Variants in HS3ST5 observed in about 807,000 individuals in gnomAD.
HS3ST5 encodes heparan sulfate-glucosamine 3-sulfotransferase 5.
In HS3ST5, 10 loss-of-function variants were observed where a neutral mutation model predicts 25.4. The observed-to-expected ratio is 0.39, with a 90% CI of 0.24 to 0.67. The LOEUF (loss-of-function observed/expected upper bound fraction) is 0.67. Ranked by LOEUF, HS3ST5 falls within the 30% of genes least tolerant of loss-of-function variation. The pLI is 0.44. For missense variants in HS3ST5, 324 were observed against 420.7 expected, an observed-to-expected ratio of 0.77 and a Z score of 2.01; for synonymous variants, 170 against 162.4, an observed-to-expected ratio of 1.05 and a Z score of -0.36.
At chr6:114,216,720 G>A (rs1478554574) in intron 2 of HS3ST5, among the ~76,000 whole-genome samples, 2 of 102,530 alleles carry the variant, frequency 2.0e-5, no homozygotes, top group Non-Finnish European at 3.9e-5. Context: ...GAACAGAATC[G>A]TCCTCCTTAA....
intron 2 of HS3ST5, among the ~76,000 whole-genome samples, chr6:114,170,059 G>A (rs1298793130): frequency 2.0e-5 from 3 of 152,120 alleles, no homozygotes; most frequent in Non-Finnish European, 2.9e-5. Flanking sequence ...TTTCAATGGA[G>A]AAGGTTAAAG....
At chr6:114,296,699 G>A (rs1378829351) in intron 1 of HS3ST5, among the ~76,000 whole-genome samples, 1 of 152,152 alleles carries the variant, frequency 6.6e-6, no homozygotes, top group Non-Finnish European at 1.5e-5. Context: ...ACAGCCAACA[G>A]CAGGAATTTG....
intron 3 of HS3ST5, among the ~76,000 whole-genome samples, chr6:114,121,484 GA>G (rs1449782534): frequency 1.1e-4 from 17 of 151,980 alleles, no homozygotes; most frequent in South Asian, 6.2e-4. Flanking sequence ...GCAAAAAAAG[GA>G]AAAATGTATA....
At chr6:114,203,838 C>G (rs1781141140) in intron 2 of HS3ST5, among the ~76,000 whole-genome samples, 1 of 152,096 alleles carries the variant, frequency 6.6e-6, no homozygotes, top group African/African-American at 2.4e-5. Flanking sequence ...GCTGGCTTAG[C>G]AATAATTAAA....
intron 2 of HS3ST5, among the ~76,000 whole-genome samples, chr6:114,184,054 C>CTTTTTTTTTTTTTTTTT (rs34370810): frequency 6.3e-5 from 5 of 78,742 alleles, no homozygotes; most frequent in Non-Finnish European, 1.1e-4. Flanking sequence ...TTTTTCCTTT[C>CTTTTTTTTTTTTTTTTT]TTTTTTTTTT....
chr6:114,321,516 G>A lies in HS3ST5; in HGVS notation c.-339+20679C>T, dbSNP rs564302392. 5.7e-4 allele frequency among the ~76,000 whole-genome samples: 87 copies of A among 152,144 alleles called. 1 individual carries two copies. Among genetic ancestry groups the A allele is most frequent in the African/African-American group, 2.0e-3 (83 of 41,520 alleles). ...TTCCACATTCTCTGTAAGACTGTAA[G>A]CTGAAGAAGCTGGGGACTCCAATCC... On this transcript the variant is annotated intron_variant, in intron 1 of 4. Coordinates refer to ENST00000312719, the MANE Select transcript of HS3ST5 (RefSeq NM_153612.4).
chr6:114,201,647 A>G (rs117485651), intron 2 of HS3ST5, among the ~76,000 whole-genome samples: 1,694 of 152,196 alleles, frequency 0.011, 10 homozygotes, highest in Non-Finnish European at 0.018. Context: ...CAGCTTCTCA[A>G]TGAGGCTGTA....
chr6:114,178,308 C>A (rs1779814049), intron 2 of HS3ST5, among the ~76,000 whole-genome samples: 1 of 152,080 alleles, frequency 6.6e-6, no homozygotes, highest in South Asian at 2.1e-4. Flanking sequence ...TATTCACAAC[C>A]AAATCCATTT....
intron 1 of HS3ST5, among the ~76,000 whole-genome samples, chr6:114,264,332 C>T (rs1264878590): frequency 3.3e-5 from 5 of 152,226 alleles, no homozygotes; most frequent in East Asian, 1.9e-4. Flanking sequence ...TTCTGAAAGT[C>T]GTAACATTGT....
chr6:114,137,564 C>G (rs1777688513), intron 3 of HS3ST5, among the ~76,000 whole-genome samples: 1 of 152,082 alleles, frequency 6.6e-6, no homozygotes, highest in South Asian at 2.1e-4. Flanking sequence ...AATAAGAGGA[C>G]CTTTTTCAGG....
intron 2 of HS3ST5, among the ~76,000 whole-genome samples, chr6:114,225,731 T>G (rs1218084904): frequency 1.3e-5 from 2 of 151,970 alleles, no homozygotes; most frequent in Non-Finnish European, 2.9e-5. Context: ...GAATAACACA[T>G]GCAGGATAGC....
At chr6:114,157,873 C>T (rs1778773195) in intron 3 of HS3ST5, among the ~76,000 whole-genome samples, 1 of 152,140 alleles carries the variant, frequency 6.6e-6, no homozygotes, top group South Asian at 2.1e-4. Flanking sequence ...CCTCACCTCC[C>T]ATACTTAGGC....
chr6:114,214,691 G>A (rs546674101), intron 2 of HS3ST5, among the ~76,000 whole-genome samples: 1 of 152,290 alleles, frequency 6.6e-6, no homozygotes, highest in African/African-American at 2.4e-5. Context: ...AAGGTAGAGA[G>A]CAAGACTGAG....
intron 1 of HS3ST5, among the ~76,000 whole-genome samples, chr6:114,306,251 A>G (rs1215974991): frequency 8.9e-6 from 1 of 112,288 alleles, no homozygotes; most frequent in Non-Finnish European, 1.8e-5. Flanking sequence ...ATATATATAT[A>G]TATATACACA....
At chr6:114,062,988 C>T in intron 3 of HS3ST5, 111 bp from the exon 4 acceptor site, 1 of 597,888 alleles carries the variant, frequency 1.7e-6, no homozygotes, top group South Asian at 2.1e-5. Flanking sequence ...AAGAGCAGAT[C>T]CCATACCAAC....
intron 1 of HS3ST5, among the ~76,000 whole-genome samples, chr6:114,308,267 A>G (rs1327281139): frequency 6.6e-6 from 1 of 152,192 alleles, no homozygotes; most frequent in Non-Finnish European, 1.5e-5. Flanking sequence ...CCTCCTACAT[A>G]GCAGAAAACA....
At chr6:114,164,235 A>G (rs1779105512) in intron 3 of HS3ST5, among the ~76,000 whole-genome samples, 1 of 152,180 alleles carries the variant, frequency 6.6e-6, no homozygotes, top group Admixed American at 6.5e-5. Flanking sequence ...TTTAGAAAAT[A>G]CCTTTACAAA....
At chr6:114,160,324 C>T (rs138371938) in intron 3 of HS3ST5, among the ~76,000 whole-genome samples, 69 of 151,492 alleles carry the variant, frequency 4.6e-4, no homozygotes, top group African/African-American at 1.6e-3. Context: ...TGGAGAACGA[C>T]TAAAAAAAAA....
chr6:114,222,847 C>T (rs1782105518), intron 2 of HS3ST5, among the ~76,000 whole-genome samples: 3 of 151,780 alleles, frequency 2.0e-5, no homozygotes, highest in African/African-American at 7.2e-5. Flanking sequence ...TCTTAGTGAC[C>T]TACTCTGTAG....
Sources: allele counts gnomAD v4.1 joint callset (sites outside exome capture counted in the v4.1 genomes callset), GRCh38; gene constraint gnomAD v4.1.1; transcripts MANE v1.5; gene names NCBI Gene and HGNC (gene_info 2026-07-23, HGNC 2026-07-21).